The following IGSF5 variants were observed in gnomAD, a reference collection of about 807,000 sequenced individuals.
IGSF5 encodes the protein immunoglobulin superfamily 5 like.
Under a neutral mutation model 39.4 loss-of-function variants are expected in IGSF5, and 41 were observed. The observed-to-expected ratio is 1.04, with a 90% CI of 0.81 to 1.35. IGSF5 has a LOEUF of 1.35. Among genes scored for constraint, IGSF5 ranks in the 40% most tolerant of loss-of-function variants. The probability of loss-of-function intolerance (pLI) is 0.00; values close to 1 mark genes in which losing one functional copy is unlikely to be tolerated. For missense variants in IGSF5, 487 were observed against 494.6 expected (o/e 0.98, Z 0.15); for synonymous variants, 183 against 175.3 (o/e 1.04, Z -0.34).
At chr21:39,739,748 G>A in the IGSF5 span, among the ~76,000 whole-genome samples, 31 of 152,278 alleles carry the variant, frequency 2.0e-4, no homozygotes, top group Non-Finnish European at 3.5e-4. Flanking sequence ...TGGAGCATGG[G>A]CTGTCAGGGT....
chr21:39,773,009 A>G (rs1389327083), intron 4 of IGSF5, among the ~76,000 whole-genome samples: 2 of 152,220 alleles, frequency 1.3e-5, no homozygotes, highest in South Asian at 2.1e-4. Flanking sequence ...AGGGTTACAC[A>G]TACTGGTTTG....
chr21:39,799,246 C>T lies in IGSF5; in HGVS notation c.1129-2016C>T, dbSNP rs191052164. On this transcript the variant is annotated intron_variant, in intron 8 of 8. Coordinates refer to ENST00000380588, the MANE Select transcript of IGSF5 (RefSeq NM_001080444.2). Reference sequence around the variant, plus strand: ...CTGGCAGAAATGGTGGATGTATTTCCGGAATTCTCTATTCCGGTTTTCCTA... The same window carrying T: ...CTGGCAGAAATGGTGGATGTATTTCTGGAATTCTCTATTCCGGTTTTCCTA... Among the ~76,000 whole-genome samples the T allele has an allele frequency of 7.4e-4, 112 of 152,282 alleles. 2 individuals are homozygous for T. Among genetic ancestry groups the T allele is most frequent in the Non-Finnish European group, 4.4e-4 (30 of 68,034 alleles).
At chr21:39,757,048 C>T (rs897449497) in intron 2 of IGSF5, among the ~76,000 whole-genome samples, 2 of 151,778 alleles carry the variant, frequency 1.3e-5, no homozygotes, top group African/African-American at 4.8e-5. Context: ...ACAGTCCCCC[C>T]GAGAGCCTTA....
intron 2 of IGSF5, among the ~76,000 whole-genome samples, chr21:39,762,903 G>A (rs1383508119): frequency 6.6e-6 from 1 of 152,126 alleles, no homozygotes; most frequent in Non-Finnish European, 1.5e-5. Flanking sequence ...CCACAGGGAG[G>A]TTCTCGGGCG....
chr21:39,765,461 A>G, intron 2 of IGSF5, 74 bp from the exon 3 acceptor site: 4 of 1,400,596 alleles, frequency 2.9e-6, no homozygotes, highest in Non-Finnish European at 4.0e-6. Context: ...TGGTAAATAC[A>G]GAAAGGTTAC....
At chr21:39,788,346 C>T (rs184331966) in intron 6 of IGSF5, among the ~76,000 whole-genome samples, 158 bp downstream of exon 6, 3 of 152,244 alleles carry the variant, frequency 2.0e-5, no homozygotes, top group African/African-American at 4.8e-5. Flanking sequence ...ACACGTATGC[C>T]GATCACAAAC....
the IGSF5 span, among the ~76,000 whole-genome samples, chr21:39,718,755 A>C: frequency 6.6e-6 from 1 of 152,172 alleles, no homozygotes; most frequent in African/African-American, 2.4e-5. Context: ...GTTTGCAAGT[A>C]CTTTGTTGAA....
At chr21:39,736,803 G>A in the IGSF5 span, among the ~76,000 whole-genome samples, 1 of 152,194 alleles carries the variant, frequency 6.6e-6, no homozygotes, top group Non-Finnish European at 1.5e-5. Flanking sequence ...TCCAGTAGTG[G>A]TGCTGAGGCT....
chr21:39,749,199 G>A (rs1041210403), intron 2 of IGSF5, among the ~76,000 whole-genome samples: 3 of 143,476 alleles, frequency 2.1e-5, no homozygotes, highest in Non-Finnish European at 4.5e-5. Flanking sequence ...GGTTTCTTTT[G>A]GAAAGACAAA....
At chr21:39,786,889 A>G (rs9974128) in intron 5 of IGSF5, among the ~76,000 whole-genome samples, 40,244 of 151,780 alleles carry the variant, frequency 0.27, 6,735 homozygotes, top group East Asian at 0.47. Context: ...ATTCTCACTC[A>G]TAGGTGGGAA....
chr21:39,775,598 G>C (rs2080135817), intron 4 of IGSF5, among the ~76,000 whole-genome samples: 1 of 152,178 alleles, frequency 6.6e-6, no homozygotes, highest in African/African-American at 2.4e-5. Context: ...CAATCTCCAA[G>C]TGGAGGTTAA....
the IGSF5 span, among the ~76,000 whole-genome samples, chr21:39,718,101 G>A: frequency 6.6e-6 from 1 of 151,170 alleles, no homozygotes. Context: ...TTTTTTGTGT[G>A]TGTCACAATT....
chr21:39,734,683 C>T, the IGSF5 span, among the ~76,000 whole-genome samples: 3 of 151,912 alleles, frequency 2.0e-5, no homozygotes, highest in African/African-American at 7.3e-5. Context: ...GTATTCGCCA[C>T]CAATTGTAAT....
chr21:39,745,056 CTTT>C (rs112817124), upstream of IGSF5, among the ~76,000 whole-genome samples: 1 of 149,404 alleles, frequency 6.7e-6, no homozygotes, highest in Admixed American at 6.7e-5. Context: ...ATAGGGCACA[CTTT>C]TTTTTTTTTA....
At chr21:39,779,836 G>T (rs920116461) in intron 5 of IGSF5, among the ~76,000 whole-genome samples, 3 of 152,148 alleles carry the variant, frequency 2.0e-5, no homozygotes, top group Non-Finnish European at 4.4e-5. Flanking sequence ...TATTATAGGT[G>T]GAATCTAAAA....
intron 2 of IGSF5, among the ~76,000 whole-genome samples, chr21:39,763,212 C>T (rs999141609): frequency 5.3e-5 from 8 of 152,160 alleles, no homozygotes; most frequent in East Asian, 1.9e-4. Flanking sequence ...CATTAACTGT[C>T]CTCCAGTGTT....
chr21:39,755,753 G>T (rs1207206394), intron 2 of IGSF5, among the ~76,000 whole-genome samples: 2 of 152,040 alleles, frequency 1.3e-5, no homozygotes, highest in Non-Finnish European at 2.9e-5. Context: ...GTAGATTATT[G>T]CAAGGGGCTG....
chr21:39,788,777 T>C (rs138079009), intron 6 of IGSF5, among the ~76,000 whole-genome samples: 5 of 152,364 alleles, frequency 3.3e-5, no homozygotes, highest in Non-Finnish European at 7.3e-5. Flanking sequence ...GTAACCCTTT[T>C]AAATGTCTGC....
At chr21:39,725,670 C>G in the IGSF5 span, among the ~76,000 whole-genome samples, 2 of 152,156 alleles carry the variant, frequency 1.3e-5, no homozygotes, top group Non-Finnish European at 2.9e-5. Flanking sequence ...TGCACAAGTA[C>G]TTCTAGGAAA....
Sources: allele counts gnomAD v4.1 joint callset (sites outside exome capture counted in the v4.1 genomes callset), GRCh38; gene constraint gnomAD v4.1.1; transcripts MANE v1.5; gene names NCBI Gene and HGNC (gene_info 2026-07-23, HGNC 2026-07-21).